KCNQ3: variants seen among roughly 807,000 people sequenced by gnomAD.
KCNQ3 encodes potassium voltage-gated channel subfamily KQT member 3.
A neutral mutation model predicts 92.5 loss-of-function variants in KCNQ3; 30 were observed. The observed-to-expected ratio is 0.32, with a 90% confidence interval of 0.24 to 0.44. The LOEUF is 0.44. KCNQ3 is among the 20% of genes least tolerant of loss of function. The probability of loss-of-function intolerance (pLI) is 1.00; values close to 1 mark genes in which losing one functional copy is unlikely to be tolerated. For missense variants in KCNQ3, 913 were observed against 1,140.3 expected (o/e 0.80, Z 2.87); for synonymous variants, 450 against 468.8 (o/e 0.96, Z 0.52).
intron 2 of KCNQ3, among the ~76,000 whole-genome samples, chr8:132,185,659 T>C (rs1826935930): frequency 6.6e-6 from 1 of 151,876 alleles, no homozygotes; most frequent in African/African-American, 2.4e-5. Context: ...GATTTAGAGG[T>C]TTCGTGTATA....
At chr8:132,187,935 G>A (rs915528559) in intron 1 of KCNQ3, among the ~76,000 whole-genome samples, 16 of 150,402 alleles carry the variant, frequency 1.1e-4, no homozygotes, top group Non-Finnish European at 1.9e-4. Flanking sequence ...TGATAGTGAT[G>A]GTGGTGGTGG....
intron 1 of KCNQ3, among the ~76,000 whole-genome samples, chr8:132,416,004 G>A (rs1469882840): frequency 6.6e-6 from 1 of 152,162 alleles, no homozygotes; most frequent in East Asian, 1.9e-4. Context: ...AGAGGTTCAG[G>A]GAGGTCATAT....
At chr8:132,177,620 T>A (rs1826608622) in intron 4 of KCNQ3, among the ~76,000 whole-genome samples, 1 of 152,098 alleles carries the variant, frequency 6.6e-6, no homozygotes, top group Admixed American at 6.5e-5. Flanking sequence ...TGGTGGGAGC[T>A]CTAGGGCTCA....
At chr8:132,388,909 T>A (rs141623084) in intron 1 of KCNQ3, among the ~76,000 whole-genome samples, 1 of 152,172 alleles carries the variant, frequency 6.6e-6, no homozygotes, top group Non-Finnish European at 1.5e-5. Context: ...TGGAGTATAG[T>A]GGGAAACTTA....
In KCNQ3 at chr8:132,170,539, T is replaced by C; in HGVS notation, c.1141-111A>G. 4 of 745,644 alleles carry C rather than the reference T, an allele frequency of 5.4e-6. 1 individual carries two copies. The highest frequency in any genetic ancestry group is 3.0e-5 in the South Asian group (2 of 66,392). The allele number at this position is 745,644 out of a possible 1,614,324, so 46.2% of individuals were successfully genotyped here. A position where few individuals can be genotyped will look rare whatever the true frequency, so the allele number is the denominator to read the frequency against. On this transcript the variant is annotated intron_variant, in intron 7 of 14. Coordinates refer to ENST00000388996, the MANE Select transcript of KCNQ3 (RefSeq NM_004519.4). ...AGCCCTGGACTCCTAAGAATTTGAA[T>C]GTGCATTGAGCCAACATTCAGAAAA... is the stretch of plus-strand genomic sequence containing the variant.
chr8:132,163,369 G>C, intron 9 of KCNQ3, 99 bp downstream of exon 9: 1 of 974,386 alleles, frequency 1.0e-6, no homozygotes. Context: ...TCTATCTTGG[G>C]ACCAGCATGA....
At chr8:132,360,908 G>C (rs752478130) in intron 1 of KCNQ3, among the ~76,000 whole-genome samples, 1 of 152,200 alleles carries the variant, frequency 6.6e-6, no homozygotes, top group East Asian at 1.9e-4. Context: ...AAGACAGGGA[G>C]GGACTGTGAC....
intron 1 of KCNQ3, among the ~76,000 whole-genome samples, chr8:132,272,678 A>G (rs1274614083): frequency 6.6e-6 from 1 of 152,182 alleles, no homozygotes; most frequent in Non-Finnish European, 1.5e-5. Context: ...GAAAGCCATC[A>G]GATCTCATGA....
chr8:132,389,501 A>G (rs1181841551), intron 1 of KCNQ3, among the ~76,000 whole-genome samples: 1 of 152,200 alleles, frequency 6.6e-6, no homozygotes, highest in African/African-American at 2.4e-5. Context: ...ACATCAATAG[A>G]GAGAAACACC....
chr8:132,285,021 G>A (rs1405046174), intron 1 of KCNQ3, among the ~76,000 whole-genome samples: 1 of 152,178 alleles, frequency 6.6e-6, no homozygotes, highest in African/African-American at 2.4e-5. Context: ...AGAACTATGA[G>A]TCAAAATAAA....
chr8:132,196,440 C>T (rs1271816891), intron 1 of KCNQ3, among the ~76,000 whole-genome samples: 1 of 152,170 alleles, frequency 6.6e-6, no homozygotes, highest in Non-Finnish European at 1.5e-5. Context: ...CCATTCTATA[C>T]CCTGGGCATT....
intron 2 of KCNQ3, 87 bp downstream of exon 2, chr8:132,186,004 G>T: frequency 1.1e-6 from 1 of 952,236 alleles, no homozygotes; most frequent in Non-Finnish European, 1.7e-6. Context: ...GCTGCAACCA[G>T]TCAGGGAGGA....
chr8:132,417,703 C>T (rs1326810597), intron 1 of KCNQ3, among the ~76,000 whole-genome samples: 3 of 152,204 alleles, frequency 2.0e-5, no homozygotes, highest in Admixed American at 6.5e-5. Context: ...TTCATTCATT[C>T]ATTCCAGGCA....
At chr8:132,416,763 G>T (rs1035269833) in intron 1 of KCNQ3, among the ~76,000 whole-genome samples, 1 of 152,158 alleles carries the variant, frequency 6.6e-6, no homozygotes, top group Non-Finnish European at 1.5e-5. Context: ...GAGGAAGGTG[G>T]TGCCCAGGGC....
rs1272774521 is a variant in KCNQ3 at position 132,134,297 on chromosome 8, A to T, written c.1792T>A (p.Ser598Thr). 6.8e-6 allele frequency: 11 copies of T among 1,613,034 alleles called. No homozygotes were observed. The highest frequency in any genetic ancestry group is 2.2e-5 in the East Asian group (1 of 44,852). Residue 598 changes from serine (S) to threonine (T), a missense_variant, in exon 13 of 15, where the codon TCT becomes ACT. By Grantham distance (58) the Ser-to-Thr change is moderately conservative (BLOSUM62 1). Around this residue, in one of 6 missense-constraint regions of KCNQ3, gnomAD observed 375 missense variants for 376.4 expected, o/e 1.00. Coordinates refer to ENST00000388996, the MANE Select transcript of KCNQ3 (RefSeq NM_004519.4). The stretch of plus-strand genomic sequence containing the variant: ...CATGTCCACTGGCCCCACCTGGGAG[A>T]TTGCTGGGATGGGAAGGTGAATGCT... The part of the protein sequence containing the change: ...GSAFTFPSQQ[S>T]PRNEPYVARP...
chr8:132,207,565 C>T (rs990899877), intron 1 of KCNQ3, among the ~76,000 whole-genome samples: 1 of 152,196 alleles, frequency 6.6e-6, no homozygotes, highest in East Asian at 1.9e-4. Context: ...CAACCACTTC[C>T]AGGCTGAAGG....
rs75581524 is a variant in KCNQ3 at position 132,384,335 on chromosome 8, G to A, written c.386+95812C>T. On this transcript the variant is annotated intron_variant, in intron 1 of 14. Transcript: ENST00000388996. The stretch of plus-strand genomic sequence containing the variant: ...TGAATAAACGAAAGGATGAATGAGC[G>A]ATTTCTTCACAAGAAGAGCAGATAG... 1.4e-3 allele frequency among the ~76,000 whole-genome samples: 215 copies of A among 152,292 alleles called. 1 individual carries two copies. Among genetic ancestry groups the A allele is most frequent in the Middle Eastern group, 3.4e-3 (1 of 294 alleles).
At chr8:132,447,396 G>A in intron 1 of KCNQ3, 1 of 709,228 alleles carries the variant, frequency 1.4e-6, no homozygotes, top group East Asian at 2.7e-5. Context: ...GACACTGCAA[G>A]AAAGAAGAAA....
chr8:132,208,788 T>C (rs566601712), intron 1 of KCNQ3, among the ~76,000 whole-genome samples: 1 of 152,274 alleles, frequency 6.6e-6, no homozygotes, highest in African/African-American at 2.4e-5. Flanking sequence ...AATTGTAAGA[T>C]GTTGGGTGGG....
Sources: allele counts gnomAD v4.1 joint callset (sites outside exome capture counted in the v4.1 genomes callset), GRCh38; gene constraint gnomAD v4.1.1; regional missense constraint gnomAD v4.1.1; transcripts MANE v1.5; gene names NCBI Gene and HGNC (gene_info 2026-07-23, HGNC 2026-07-21).